Variants in CALCR observed in about 807,000 individuals in gnomAD.
CALCR encodes calcitonin receptor.
Under a neutral mutation model 59.5 loss-of-function variants are expected in CALCR, and 47 were observed. That is an observed-to-expected ratio of 0.79 (90% CI 0.63 to 1.01). The LOEUF (loss-of-function observed/expected upper bound fraction) is 1.01, where lower values mean the gene tolerates loss of function less well. CALCR is among the 50% of genes least tolerant of loss of function. The pLI is 0.00. For missense variants in CALCR, 566 were observed against 597.1 expected, an observed-to-expected ratio of 0.95 and a Z score of 0.54; for synonymous variants, 213 against 211.3, an observed-to-expected ratio of 1.01 and a Z score of -0.07.
At chr7:93,532,838 C>CAAAAAAAAAAAAAAA (rs57128008) in intron 2 of CALCR, among the ~76,000 whole-genome samples, 45 of 95,674 alleles carry the variant, frequency 4.7e-4, no homozygotes, top group African/African-American at 1.8e-3. Flanking sequence ...ATGTCCAAAG[C>CAAAAAAAAAAAAAAA]AAAAAAAAAA....
rs1463391731 is a variant in CALCR at position 93,520,358 on chromosome 7, AAAC to A, written c.-26-33354_-26-33352del. On this transcript the variant is annotated intron_variant, in intron 2 of 13. Coordinates refer to ENST00000426151, the MANE Select transcript of CALCR (RefSeq NM_001742.4). Reference sequence around the variant, plus strand: ...TTTACTTTCTTGACAGGTAATGTGTAAACAACATGTGTGGCATTTTACCCAGCT... The same window carrying A: ...TTTACTTTCTTGACAGGTAATGTGTAAACATGTGTGGCATTTTACCCAGCT... 2.0e-5 allele frequency among the ~76,000 whole-genome samples: 3 copies of A among 152,222 alleles called. No individual in the cohort carries two copies. The East Asian group carries it at 5.8e-4, about 29-fold the overall frequency.
At chr7:93,472,352 C>G in intron 6 of CALCR, 23 bp downstream of exon 6, 1 of 1,337,208 alleles carries the variant, frequency 7.5e-7, no homozygotes, top group Non-Finnish European at 1.1e-6. Context: ...TCACTCAATA[C>G]TGAAACGTGA....
At chr7:93,513,811 AGAT>A (rs1239021900) in intron 2 of CALCR, among the ~76,000 whole-genome samples, 5 of 151,474 alleles carry the variant, frequency 3.3e-5, no homozygotes, top group African/African-American at 9.7e-5. Flanking sequence ...ATAAATATGT[AGAT>A]ATTTGTTTTT....
chr7:93,527,781 A>G (rs921989675), intron 2 of CALCR, among the ~76,000 whole-genome samples: 5 of 152,266 alleles, frequency 3.3e-5, no homozygotes, highest in African/African-American at 1.2e-4. Flanking sequence ...ATGGAGGCCC[A>G]TTTCATCAGG....
intron 2 of CALCR, among the ~76,000 whole-genome samples, chr7:93,518,207 A>G (rs922268328): frequency 6.6e-6 from 1 of 151,414 alleles, no homozygotes; most frequent in Admixed American, 6.6e-5. Flanking sequence ...TTTATTTACA[A>G]GACCACACAC....
At chr7:93,514,626 A>G (rs1370471483) in intron 2 of CALCR, among the ~76,000 whole-genome samples, 2 of 152,000 alleles carry the variant, frequency 1.3e-5, no homozygotes, top group Non-Finnish European at 2.9e-5. Context: ...ATTCAGCATC[A>G]TGTCTGTGAA....
chr7:93,569,115 A>G (rs1194860826), intron 2 of CALCR, among the ~76,000 whole-genome samples: 1 of 151,844 alleles, frequency 6.6e-6, no homozygotes, highest in Non-Finnish European at 1.5e-5. Context: ...GGAGGCCCTA[A>G]TTGATTCTTC....
chr7:93,528,625 T>C (rs1788743736), intron 2 of CALCR, among the ~76,000 whole-genome samples: 1 of 152,234 alleles, frequency 6.6e-6, no homozygotes, highest in Non-Finnish European at 1.5e-5. Context: ...TTCTCTAATT[T>C]ATCAAAATAG....
At chr7:93,508,381 A>G (rs1238426893) in intron 2 of CALCR, among the ~76,000 whole-genome samples, 1 of 152,222 alleles carries the variant, frequency 6.6e-6, no homozygotes, top group Non-Finnish European at 1.5e-5. Flanking sequence ...GTGGACTCAC[A>G]AAGGAGGGTG....
At chr7:93,438,553 C>T (rs1224238720) in intron 9 of CALCR, among the ~76,000 whole-genome samples, 1 of 152,142 alleles carries the variant, frequency 6.6e-6, no homozygotes, top group East Asian at 1.9e-4. Flanking sequence ...ACTATTATTA[C>T]CATTGTTATG....
At chr7:93,530,528 A>G (rs1788803965) in intron 2 of CALCR, among the ~76,000 whole-genome samples, 1 of 152,130 alleles carries the variant, frequency 6.6e-6, no homozygotes, top group Non-Finnish European at 1.5e-5. Context: ...CAAATCATCC[A>G]CAAGTGGTAC....
At chr7:93,556,110 C>G (rs1789598649) in intron 2 of CALCR, among the ~76,000 whole-genome samples, 1 of 152,150 alleles carries the variant, frequency 6.6e-6, no homozygotes, top group African/African-American at 2.4e-5. Flanking sequence ...CTTAAGTCAT[C>G]AAGATACTTG....
At chr7:93,462,999 A>AT (rs67300863) in intron 7 of CALCR, among the ~76,000 whole-genome samples, 55 of 151,228 alleles carry the variant, frequency 3.6e-4, no homozygotes, top group Admixed American at 7.3e-4. Flanking sequence ...CTTAATACCC[A>AT]TTTTTTTTTA....
rs367607658 is a variant in CALCR at position 93,508,760 on chromosome 7, AC to A, written c.-26-21754del. On this transcript the variant is annotated intron_variant, in intron 2 of 13. Transcript: ENST00000426151. ...CTTTCATTACCTAAATTAACTCTCA[AC>A]AACCCTCAGAGAAAAGCAGGTTTGC... Among the ~76,000 whole-genome samples, 721 of 152,228 alleles carry A rather than the reference AC, an allele frequency of 4.7e-3. 6 individuals carry two copies. The highest frequency in any genetic ancestry group is 0.017 in the African/African-American group (691 of 41,534).
At position 93,443,665 on chromosome 7, in the gene CALCR, G is replaced by T. The variant is rs1463057693; in HGVS notation, c.741C>A (p.Leu247=). 1.9e-6 allele frequency: 3 copies of T among 1,613,324 alleles called. No homozygotes were observed. The highest frequency in any genetic ancestry group is 2.5e-6 in the Non-Finnish European group (3 of 1,179,426). Residue 247 remains leucine (L), a synonymous_variant, in exon 9 of 14, where the codon CTC becomes CTA. Transcript: ENST00000426151. ...MLCEGIYLHT[L]IVVAVFTEKQ... is the part of the protein sequence containing the mutation. ...TCTCAGTAAACACAGCCACGACAAT[G>T]AGTGTATGAAGATAGATCCCTTCAC...
At chr7:93,552,868 A>G (rs1789497930) in intron 2 of CALCR, among the ~76,000 whole-genome samples, 1 of 152,106 alleles carries the variant, frequency 6.6e-6, no homozygotes, top group Non-Finnish European at 1.5e-5. Context: ...AAGGGGATTT[A>G]TTTTGTCCAG....
In CALCR at chr7:93,443,683, C is replaced by G. The variant is rs1468929728; in HGVS notation, c.723G>C (p.Gly241=). Reference sequence around the variant, plus strand: ...CGACAATGAGTGTATGAAGATAGATCCCTTCACAGAGCATCCAGAAATAGT... The same window carrying G: ...CGACAATGAGTGTATGAAGATAGATGCCTTCACAGAGCATCCAGAAATAGT... ...ACNYFWMLCE[G]IYLHTLIVVA... The change falls in exon 9 of 14, where the codon GGG becomes GGC. Residue 241 remains glycine, a synonymous_variant. Transcript: ENST00000426151. The G allele has an allele frequency of 6.2e-7, 1 of 1,612,858 alleles. No homozygotes were observed. Among genetic ancestry groups the G allele is most frequent in the East Asian group, 2.2e-5 (1 of 44,850 alleles).
At chr7:93,428,417 T>C (rs1373472544) in intron 13 of CALCR, among the ~76,000 whole-genome samples, 1 of 152,152 alleles carries the variant, frequency 6.6e-6, no homozygotes, top group Non-Finnish European at 1.5e-5. Flanking sequence ...AATGCCAGGG[T>C]TATAATCTAG....
chr7:93,546,861 C>T (rs1041248589), intron 2 of CALCR, among the ~76,000 whole-genome samples: 7 of 151,952 alleles, frequency 4.6e-5, no homozygotes, highest in South Asian at 2.1e-4. Flanking sequence ...ACACCCTGCA[C>T]GACTTCTAAT....
Sources: allele counts gnomAD v4.1 joint callset (sites outside exome capture counted in the v4.1 genomes callset), GRCh38; gene constraint gnomAD v4.1.1; transcripts MANE v1.5; gene names NCBI Gene and HGNC (gene_info 2026-07-23, HGNC 2026-07-21).